PCSK4: variants seen among roughly 807,000 people sequenced by gnomAD.
The protein encoded by PCSK4 is testicular tissue protein Li 135.
Under a neutral mutation model 80.3 loss-of-function variants are expected in PCSK4, and 64 were observed. That is an observed-to-expected ratio of 0.80 (90% CI 0.65 to 0.98). The LOEUF (loss-of-function observed/expected upper bound fraction) is 0.98, where lower values mean the gene tolerates loss of function less well. Among genes scored for constraint, PCSK4 ranks in the 50% least tolerant of loss-of-function variants. PCSK4 has a pLI of 0.00. For synonymous variants in PCSK4, 561 were observed against 487.6 expected, an observed-to-expected ratio of 1.15 and a Z score of -1.98; for missense variants, 1,213 against 1,093.6, an observed-to-expected ratio of 1.11 and a Z score of -1.54.
chr19:1,487,900 CCCTAGGGTGGTGCCAG>C, intron 4 of PCSK4, 39 bp from the exon 5 acceptor site: 1 of 1,576,142 alleles, frequency 6.3e-7, no homozygotes, highest in Non-Finnish European at 8.6e-7. Flanking sequence ...CGGGAGGCGT[CCCTAGGGTGGTGCCAG>C]CCTCGGCACC....
chr19:1,483,573 A>C, intron 11 of PCSK4, 77 bp downstream of exon 11: 2 of 1,422,584 alleles, frequency 1.4e-6, no homozygotes, highest in East Asian at 4.7e-5. Flanking sequence ...CTCGTTTTAC[A>C]GATGGGTAAA....
chr19:1,483,764 C>G, exon 11 of PCSK4: 2 of 1,584,626 alleles, frequency 1.3e-6, no homozygotes, highest in Non-Finnish European at 8.5e-7. Flanking sequence ...GTAGTGATGG[C>G]TCACTGCGCG....
chr19:1,487,950 AC>A lies in PCSK4; in HGVS notation c.516+13del. 6.2e-7 allele frequency: 1 copy of A among 1,602,156 alleles called. No homozygotes were observed. Among genetic ancestry groups the A allele is most frequent in the Non-Finnish European group, 8.5e-7 (1 of 1,171,828 alleles). On this transcript the variant is annotated intron_variant, in intron 4 of 14. Transcript: ENST00000300954. ...CCTGGGGCAGCCCTCGCCCACAGCC[AC>A]CCGCGGTCTCACGTAGTTGGCCCAG...
chr19:1,487,498 C>T, intron 6 of PCSK4, 105 bp downstream of exon 6: 1 of 1,098,624 alleles, frequency 9.1e-7, no homozygotes, highest in Non-Finnish European at 1.3e-6. Context: ...TAGCACCACC[C>T]AGCAGTGAGA....
chr19:1,487,314 C>T lies in PCSK4; in HGVS notation c.683-1G>A. On this transcript the variant is annotated splice_acceptor_variant, in intron 6 of 14. Coordinates refer to ENST00000300954, the Ensembl canonical transcript of PCSK4. LOFTEE classifies it high-confidence loss of function. ...ATGGTACCGTCCAGCATCCGTACGCCTGCAGAGCCAGGGCGGGAGGGCCGC... is the reference window on the plus strand; with the variant it reads ...ATGGTACCGTCCAGCATCCGTACGCTTGCAGAGCCAGGGCGGGAGGGCCGC... 1 of 1,584,998 alleles carries T rather than the reference C, an allele frequency of 6.3e-7. No homozygotes were observed. The highest frequency in any genetic ancestry group is 8.5e-7 in the Non-Finnish European group (1 of 1,170,752).
At chr19:1,490,482 T>G (rs527414495), upstream of PCSK4, 158 of 528,024 alleles carry the variant, frequency 3.0e-4, no homozygotes, top group Admixed American at 5.2e-3. Flanking sequence ...TTGCGGCTAC[T>G]CAGCCAGGAG....
At chr19:1,485,297 C>T (rs978762639) in intron 8 of PCSK4, among the ~76,000 whole-genome samples, 4 of 151,954 alleles carry the variant, frequency 2.6e-5, no homozygotes, top group African/African-American at 4.8e-5. Context: ...GGCATGGTGG[C>T]GTGGCCTGCT....
At chr19:1,485,294 T>G (rs2084544999) in intron 8 of PCSK4, among the ~76,000 whole-genome samples, 1 of 152,092 alleles carries the variant, frequency 6.6e-6, no homozygotes, top group Admixed American at 6.6e-5. Context: ...CCGGGCATGG[T>G]GGCGTGGCCT....
chr19:1,487,192 C>T (rs970859991), exon 7 of PCSK4: 2 of 1,608,060 alleles, frequency 1.2e-6, no homozygotes, highest in African/African-American at 1.3e-5. Flanking sequence ...CGGGGCCGTC[C>T]ACCGTGCGGC....
upstream of PCSK4, chr19:1,490,556 AC>A: frequency 2.1e-6 from 1 of 482,816 alleles, no homozygotes; most frequent in South Asian, 3.5e-5. Context: ...GCAGACCCAC[AC>A]CCTCGGGAGC....
intron 13 of PCSK4, 106 bp from the exon 14 acceptor site, chr19:1,482,581 G>A: frequency 7.2e-7 from 1 of 1,386,990 alleles, no homozygotes; most frequent in South Asian, 1.4e-5. Context: ...CGGGGCCCTG[G>A]ACTGGTTCAC....
chr19:1,482,315 C>T (rs1236436248), intron 14 of PCSK4, 38 bp downstream of exon 14: 14 of 1,534,008 alleles, frequency 9.1e-6, no homozygotes, highest in South Asian at 3.6e-5. Context: ...TGGCCGCCAC[C>T]GCCTCCCAGC....
chr19:1,483,153 C>CG (rs1446608302), intron 12 of PCSK4, 131 bp downstream of exon 12: 79 of 1,247,060 alleles, frequency 6.3e-5, no homozygotes, highest in Non-Finnish European at 7.9e-5. Context: ...GGGTGTGACT[C>CG]GGGGTCCCAC....
exon 2 of PCSK4, chr19:1,489,891 G>A (rs2084847907): frequency 1.2e-6 from 2 of 1,607,170 alleles, no homozygotes; most frequent in Non-Finnish European, 8.5e-7. Context: ...TGCCCGTCAG[G>A]GAAGATCTGG....
intron 2 of PCSK4, 117 bp from the exon 3 acceptor site, chr19:1,488,397 A>G: frequency 2.7e-6 from 2 of 745,228 alleles, no homozygotes; most frequent in Non-Finnish European, 4.5e-6. Flanking sequence ...GTTGCTCTCC[A>G]GGGTCCCCAT....
At chr19:1,488,318 C>T (rs747446112) in intron 2 of PCSK4, 38 bp from the exon 3 acceptor site, 35 of 1,544,056 alleles carry the variant, frequency 2.3e-5, no homozygotes, top group Non-Finnish European at 3.0e-5. Flanking sequence ...GTCCCCTGCT[C>T]GCCCCTGGGG....
At chr19:1,485,204 C>G (rs530991268) in intron 8 of PCSK4, among the ~76,000 whole-genome samples, 1 of 151,716 alleles carries the variant, frequency 6.6e-6, no homozygotes, top group East Asian at 1.9e-4. Context: ...CAAGAAGTAA[C>G]AAGGACTATG....
chr19:1,487,281 C>G, exon 7 of PCSK4: 1 of 1,599,914 alleles, frequency 6.3e-7, no homozygotes, highest in Non-Finnish European at 8.5e-7. Context: ...GCCTCGATGA[C>G]ATCGGTGATG....
At chr19:1,487,972 C>T (rs770534101) in exon 4 of PCSK4, 4 of 1,611,262 alleles carry the variant, frequency 2.5e-6, no homozygotes, top group Non-Finnish European at 3.4e-6. Context: ...ACGTAGTTGG[C>T]CCAGAGGTCC....
Sources: gnomAD v4.1 joint callset for allele counts (sites outside exome capture counted in the v4.1 genomes callset) on GRCh38, gnomAD v4.1.1 for gene constraint, MANE v1.5 for transcripts, NCBI Gene and HGNC (gene_info 2026-07-23, HGNC 2026-07-21) for gene names.